The following ITGAM variants were observed in gnomAD, a reference collection of about 807,000 sequenced individuals.
ITGAM encodes integrin alpha-M.
ITGAM carries 79 observed loss-of-function variants against 137.5 expected under a neutral mutation model. The observed-to-expected ratio is 0.57, with a 90% CI of 0.48 to 0.69. ITGAM has a LOEUF of 0.69. Ranked by LOEUF, ITGAM falls within the 30% of genes least tolerant of loss-of-function variation. The probability of loss-of-function intolerance (pLI) is 0.00; values close to 1 mark genes in which losing one functional copy is unlikely to be tolerated. For missense variants in ITGAM, 1,343 were observed against 1,483.5 expected, an observed-to-expected ratio of 0.91 and a Z score of 1.56; for synonymous variants, 583 against 592.3, an observed-to-expected ratio of 0.98 and a Z score of 0.23.
intron 7 of ITGAM, among the ~76,000 whole-genome samples, chr16:31,272,448 TA>T: frequency 7.7e-5 from 1 of 13,044 alleles, no homozygotes; most frequent in Non-Finnish European, 1.5e-4. Context: ...TATATATATA[TA>T]TATATATATA....
intron 14 of ITGAM, among the ~76,000 whole-genome samples, chr16:31,300,633 G>A (rs1324532920): frequency 1.3e-5 from 2 of 152,188 alleles, no homozygotes; most frequent in African/African-American, 2.4e-5. Flanking sequence ...TATTAAGGCC[G>A]GGAGCAGCGG....
intron 16 of ITGAM, among the ~76,000 whole-genome samples, chr16:31,322,560 A>G (rs755958487): frequency 2.6e-5 from 4 of 152,240 alleles, no homozygotes; most frequent in Non-Finnish European, 5.9e-5. Context: ...GCAGCTCCTC[A>G]GTGCTGGGGA....
rs2080205970 is a variant in ITGAM at position 31,302,384 on chromosome 16, T to G, written c.1707+4430T>G. 2.0e-5 allele frequency among the ~76,000 whole-genome samples: 3 copies of G among 149,366 alleles called. No homozygotes were observed. In the South Asian group the frequency reaches 6.3e-4, roughly 31 times the overall value. ...GAACAATCTTTTTTTCTTTCTTTTC[T>G]TTTCTTTTTTCTTTTCTTTTCTTTT... On this transcript the variant is annotated intron_variant, in intron 14 of 29. Coordinates refer to ENST00000544665, the MANE Select transcript of ITGAM (RefSeq NM_000632.4).
intron 14 of ITGAM, among the ~76,000 whole-genome samples, chr16:31,302,458 CCTTTCTTT>C (rs143099983): frequency 6.3e-5 from 7 of 111,994 alleles, no homozygotes; most frequent in East Asian, 4.0e-4. Context: ...TTTCTTCCTT[CCTTTCTTT>C]CTTTCTTTCT....
chr16:31,265,616 C>T (rs3815801), intron 3 of ITGAM, 118 bp downstream of exon 3: 492,450 of 747,222 alleles, frequency 0.66, 164,956 homozygotes, highest in Middle Eastern at 0.8. Context: ...GCCTCCGTAC[C>T]CTCTCCTCTG....
chr16:31,331,299 C>A, intron 29 of ITGAM, 24 bp downstream of exon 29: 1 of 1,312,278 alleles, frequency 7.6e-7, no homozygotes, highest in Non-Finnish European at 1.1e-6. Context: ...CTCCCCCACC[C>A]CCTCCCTTCA....
At chr16:31,325,086 C>T (rs1297066215) in intron 19 of ITGAM, 55 bp downstream of exon 19, 2 of 1,527,626 alleles carry the variant, frequency 1.3e-6, no homozygotes, top group Non-Finnish European at 1.8e-6. Context: ...CCATGACCCG[C>T]TCTTTTCTCC....
At position 31,331,909 on chromosome 16, in the gene ITGAM, G is replaced by GTGCA. The variant is rs1263534182; in HGVS notation, c.*205_*208dup. ...AGTGTGTGCACATGTGTGCGTGTGC[G>GTGCA]TGCATGTGCACTTGCACGCCCATGT... On this transcript the variant is annotated 3_prime_UTR_variant, in exon 30 of 30. Coordinates refer to ENST00000544665, the MANE Select transcript of ITGAM (RefSeq NM_000632.4). 3 of 568,558 alleles carry GTGCA rather than the reference G, an allele frequency of 5.3e-6. No individual in the cohort carries two copies. The East Asian group carries it at 9.3e-5, about 18-fold the overall frequency. 35.2% of individuals were successfully genotyped at this position (568,558 alleles called of 1,614,324 possible). A position where few individuals can be genotyped will look rare whatever the true frequency, so the allele number is the denominator to read the frequency against.
chr16:31,276,873 T>A (rs2079912477), intron 10 of ITGAM, 47 bp from the exon 11 acceptor site: 1 of 1,596,680 alleles, frequency 6.3e-7, no homozygotes, highest in African/African-American at 1.3e-5. Flanking sequence ...GGGGCAGCGG[T>A]TGTCCCTTCT....
chr16:31,286,902 C>T (rs920946415), intron 12 of ITGAM, among the ~76,000 whole-genome samples: 3 of 152,104 alleles, frequency 2.0e-5, no homozygotes, highest in Non-Finnish European at 4.4e-5. Context: ...AGGGCTTAGC[C>T]GAAAGTTCTT....
At chr16:31,331,074 C>G in intron 28 of ITGAM, 91 bp from the exon 29 acceptor site, 1 of 680,836 alleles carries the variant, frequency 1.5e-6, no homozygotes, top group Non-Finnish European at 2.6e-6. Context: ...AGGAGGGGTT[C>G]CCCACTTGAT....
At chr16:31,311,459 C>T (rs956843622) in intron 14 of ITGAM, among the ~76,000 whole-genome samples, 1 of 152,136 alleles carries the variant, frequency 6.6e-6, no homozygotes. Flanking sequence ...ACAACCCCAT[C>T]AAAAAGTGGG....
chr16:31,306,230 C>T (rs2144415894), intron 14 of ITGAM, among the ~76,000 whole-genome samples: 1 of 152,186 alleles, frequency 6.6e-6, no homozygotes, highest in East Asian at 1.9e-4. Flanking sequence ...TTCCTTGTGT[C>T]CTAATGAGGA....
intron 12 of ITGAM, among the ~76,000 whole-genome samples, chr16:31,282,248 AG>A (rs1375827149): frequency 5.3e-5 from 8 of 152,088 alleles, no homozygotes; most frequent in African/African-American, 1.9e-4. Context: ...CTTGGTGCAG[AG>A]CTGAGTTCAA....
chr16:31,262,478 C>A (rs2079716575), intron 2 of ITGAM, among the ~76,000 whole-genome samples: 1 of 151,938 alleles, frequency 6.6e-6, no homozygotes, highest in Non-Finnish European at 1.5e-5. Context: ...TCATAGCTCA[C>A]TGTAGACTCA....
At chr16:31,270,701 A>ATG (rs2079824421) in intron 5 of ITGAM, among the ~76,000 whole-genome samples, 1 of 19,426 alleles carries the variant, frequency 5.1e-5, no homozygotes, top group Non-Finnish European at 8.3e-5. Flanking sequence ...GTGTGTGTGT[A>ATG]TATATATATA....
Position 31,271,828 on chromosome 16 carries a change from C to G in ITGAM, c.559-19C>G. 2 of 1,613,730 alleles carry G rather than the reference C, an allele frequency of 1.2e-6. No homozygotes were observed. Among genetic ancestry groups the G allele is most frequent in the Non-Finnish European group, 1.7e-6 (2 of 1,179,778 alleles). ...TGGGGGCACCTTCTCCAGCATCACA[C>G]CAGCCGCCCCCTCCGCAGTTCTCTT... On this transcript the variant is annotated intron_variant, in intron 6 of 29. Coordinates refer to ENST00000544665, the MANE Select transcript of ITGAM (RefSeq NM_000632.4).
At chr16:31,288,487 G>A (rs1011883194) in intron 12 of ITGAM, among the ~76,000 whole-genome samples, 1 of 152,098 alleles carries the variant, frequency 6.6e-6, no homozygotes, top group Non-Finnish European at 1.5e-5. Context: ...TGACAAACCT[G>A]ACAAAAACAA....
Position 31,331,925 on chromosome 16 carries a change from A to G in ITGAM, c.*218A>G, listed in dbSNP as rs965510679. On this transcript the variant is annotated 3_prime_UTR_variant, in exon 30 of 30. Coordinates refer to ENST00000544665, the MANE Select transcript of ITGAM (RefSeq NM_000632.4). ...TGCGTGTGCGTGCATGTGCACTTGC[A>G]CGCCCATGTGTGAGTGTGTGCAAGT... 8.9e-6 allele frequency: 5 copies of G among 558,720 alleles called. No individual in the cohort carries two copies. The highest frequency in any genetic ancestry group is 1.6e-5 in the Non-Finnish European group (5 of 316,210). 34.6% of individuals were successfully genotyped at this position (558,720 alleles called of 1,614,324 possible).
Sources: gnomAD v4.1 joint callset for allele counts (sites outside exome capture counted in the v4.1 genomes callset) on GRCh38, gnomAD v4.1.1 for gene constraint, MANE v1.5 for transcripts, NCBI Gene and HGNC (gene_info 2026-07-23, HGNC 2026-07-21) for gene names.